MAEA: variants seen among roughly 807,000 people sequenced by gnomAD.
The protein encoded by MAEA is macrophage erythroblast attacher, E3 ubiquitin ligase.
MAEA carries 22 observed loss-of-function variants against 46.2 expected under a neutral mutation model. The observed-to-expected ratio is 0.48, with a 90% CI of 0.34 to 0.68. The LOEUF (loss-of-function observed/expected upper bound fraction) is 0.68. Among genes scored for constraint, MAEA ranks in the 30% least tolerant of loss-of-function variants. The pLI is 0.01. For missense variants in MAEA, 393 were observed against 558.1 expected, an observed-to-expected ratio of 0.70 and a Z score of 2.98; for synonymous variants, 246 against 222.6, an observed-to-expected ratio of 1.11 and a Z score of -0.94.
At chr4:1,294,700 C>T (rs1019223148) in intron 1 of MAEA, among the ~76,000 whole-genome samples, 5 of 150,786 alleles carry the variant, frequency 3.3e-5, no homozygotes, top group African/African-American at 9.8e-5. Flanking sequence ...GTCTACGCTC[C>T]GGTGGGAGGG....
intron 1 of MAEA, among the ~76,000 whole-genome samples, chr4:1,291,092 G>T (rs753757598): frequency 3.9e-4 from 60 of 152,202 alleles, no homozygotes; most frequent in Non-Finnish European, 8.8e-5. Context: ...AAGTCAGGCT[G>T]TACCCTGCTG....
Position 1,319,064 on chromosome 4 carries a change from G to A in MAEA, c.457-3317G>A, listed in dbSNP as rs1371636801. On this transcript the variant is annotated intron_variant, in intron 3 of 8. Transcript: ENST00000303400. ...CTGGTGCTGTGCGCCTGCCTGTGCT[G>A]CCTTAGGCTGGACGCAGGGCTCTCA... is the stretch of plus-strand genomic sequence containing the variant. 2.0e-5 allele frequency among the ~76,000 whole-genome samples: 3 copies of A among 152,172 alleles called. No individual in the cohort carries two copies. In the East Asian group the frequency reaches 5.8e-4, roughly 29 times the overall value.
rs1014699238 is a variant in MAEA, at chr4:1,311,202, C to G, written c.70-777C>G. Among the ~76,000 whole-genome samples, 1 of 152,220 alleles carries G rather than the reference C, an allele frequency of 6.6e-6. No individual in the cohort carries two copies. The highest frequency in any genetic ancestry group is 2.1e-4 in the South Asian group (1 of 4,838). On this transcript the variant is annotated intron_variant, in intron 1 of 8. Transcript: ENST00000303400. The surrounding 1 kb of genome is among the most constrained non-coding windows in gnomAD (Gnocchi z 4.4). ...GCTGATGCGCTGTGTGGTGAGCTGC[C>G]GGCCACCAGTGCAGCCAGGACCGCA...
chr4:1,313,075 G>A (rs779360650), intron 2 of MAEA, among the ~76,000 whole-genome samples: 3 of 152,182 alleles, frequency 2.0e-5, no homozygotes, highest in Non-Finnish European at 2.9e-5. Context: ...ACAGCTCAGC[G>A]TGGGGTGTAC....
intron 2 of MAEA, among the ~76,000 whole-genome samples, chr4:1,314,838 C>T (rs766261847): frequency 6.6e-6 from 1 of 152,190 alleles, no homozygotes; most frequent in African/African-American, 2.4e-5. Context: ...AAGAAGCCAG[C>T]CCGGATCCTG....
At chr4:1,307,713 G>A (rs920713801) in intron 1 of MAEA, among the ~76,000 whole-genome samples, 2 of 152,352 alleles carry the variant, frequency 1.3e-5, no homozygotes, top group East Asian at 1.9e-4. Flanking sequence ...CTGGGGGGAT[G>A]CTGGTGTAAG....
intron 6 of MAEA, among the ~76,000 whole-genome samples, chr4:1,336,547 A>C (rs1712789015): frequency 6.6e-6 from 1 of 151,518 alleles, no homozygotes. Flanking sequence ...AGTTAAGTTC[A>C]TACTGGCCTC....
rs762356153 is a variant in MAEA, at chr4:1,315,591, C to T, written c.447C>T (p.Ser149=). The change falls in exon 3 of 9, where the codon AGC becomes AGT. Residue 149 remains serine (S), a synonymous_variant. Transcript: ENST00000303400. ...YNTAVKLARQ[S]GIEDLVNIEM... ...CGGCTGTCAAGCTGGCGCGCCAGAG[C>T]GGCATCGAGGTGGGTGCCCGCCAGA... 3.8e-5 allele frequency: 62 copies of T among 1,612,788 alleles called. No homozygotes were observed. Among genetic ancestry groups the T allele is most frequent in the South Asian group, 2.2e-4 (20 of 91,068 alleles).
At chr4:1,307,560 C>G (rs923006604) in intron 1 of MAEA, among the ~76,000 whole-genome samples, 2 of 152,164 alleles carry the variant, frequency 1.3e-5, no homozygotes, top group African/African-American at 4.8e-5. Flanking sequence ...GGACGGAACT[C>G]ATAATATATA....
At chr4:1,315,283 G>T in intron 2 of MAEA, 114 bp from the exon 3 acceptor site, 1 of 1,013,094 alleles carries the variant, frequency 9.9e-7, no homozygotes, top group Admixed American at 2.3e-5. Flanking sequence ...TTTCTGTCCC[G>T]TAATCCCTGC....
In MAEA at chr4:1,311,041, G is replaced by T. The variant is rs1736431590; in HGVS notation, c.70-938G>T. ...GGTCGAGGCGTGCCCAGGGCCGGGG[G>T]AGCAGGCGGTACCCGAGAGTCTGTC... On this transcript the variant is annotated intron_variant, in intron 1 of 8. Coordinates refer to ENST00000303400, the MANE Select transcript of MAEA (RefSeq NM_001017405.3). The surrounding 1 kb of genome is among the most constrained non-coding windows in gnomAD (Gnocchi z 4.4). Among the ~76,000 whole-genome samples the T allele has an allele frequency of 6.9e-6, 1 of 145,646 alleles. No individual in the cohort carries two copies. The highest frequency in any genetic ancestry group is 6.9e-5 in the Admixed American group (1 of 14,400).
chr4:1,297,461 ATG>A (rs553309107), intron 1 of MAEA, among the ~76,000 whole-genome samples: 6 of 151,184 alleles, frequency 4.0e-5, no homozygotes, highest in Middle Eastern at 3.4e-3. Flanking sequence ...GTACGTGCGT[ATG>A]TGTGTGTGTA....
At chr4:1,293,595 A>G (rs545209724) in intron 1 of MAEA, among the ~76,000 whole-genome samples, 6 of 152,296 alleles carry the variant, frequency 3.9e-5, no homozygotes, top group Middle Eastern at 3.4e-3. Context: ...CCTGGTCTGG[A>G]CCTGGCTCCT....
chr4:1,291,768 T>C (rs1442192949), intron 1 of MAEA, among the ~76,000 whole-genome samples: 1 of 152,278 alleles, frequency 6.6e-6, no homozygotes, highest in Non-Finnish European at 1.5e-5. Flanking sequence ...TCTTCAGGTC[T>C]TCTGCTGTTT....
intron 1 of MAEA, chr4:1,309,447 T>A: frequency 7.7e-7 from 1 of 1,292,658 alleles, no homozygotes; most frequent in Non-Finnish European, 9.8e-7. Context: ...GGGGCTGGCC[T>A]GGCTCCTCTG....
chr4:1,301,543 A>C (rs1054921351), intron 1 of MAEA, among the ~76,000 whole-genome samples: 33 of 152,258 alleles, frequency 2.2e-4, no homozygotes, highest in Non-Finnish European at 2.9e-5. Flanking sequence ...CAGAATTTAA[A>C]AGCAAATACC....
Position 1,338,283 on chromosome 4 carries a change from C to T in MAEA, c.900-139C>T, listed in dbSNP as rs79846003. ...GTCGAGTGCAGCACTTCCTGTGCCT[C>T]GAAAGACAGCCCCGTGTAGTCAGCA... On this transcript the variant is annotated intron_variant, in intron 7 of 8. Transcript: ENST00000303400. The T allele has an allele frequency of 1.3e-3, 809 of 638,178 alleles. 3 individuals are homozygous for T. In the African/African-American group the frequency reaches 0.013, roughly 10 times the overall value. 39.5% of individuals were successfully genotyped at this position (638,178 alleles called of 1,614,324 possible).
chr4:1,303,695 A>G (rs79745461), intron 1 of MAEA, among the ~76,000 whole-genome samples: 2 of 152,192 alleles, frequency 1.3e-5, no homozygotes, highest in African/African-American at 4.8e-5. Context: ...AAAATCTAGA[A>G]GTAGAGTGGT....
chr4:1,292,140 G>A (rs1448113907), intron 1 of MAEA, among the ~76,000 whole-genome samples: 7 of 152,192 alleles, frequency 4.6e-5, no homozygotes, highest in Admixed American at 2.0e-4. Flanking sequence ...TGGAAGGTGG[G>A]GGGTGGATGT....
Sources: allele counts gnomAD v4.1 joint callset (sites outside exome capture counted in the v4.1 genomes callset), GRCh38; gene constraint gnomAD v4.1.1; non-coding constraint Gnocchi (gnomAD v3.1); transcripts MANE v1.5; gene names NCBI Gene and HGNC (gene_info 2026-07-23, HGNC 2026-07-21).